NTNG2: variants seen among roughly 807,000 people sequenced by gnomAD.
NTNG2 encodes netrin G2.
NTNG2 carries 15 observed loss-of-function variants against 47.6 expected under a neutral mutation model. The observed-to-expected ratio is 0.32, with a 90% CI of 0.21 to 0.49. The LOEUF is 0.49. NTNG2 is among the 20% of genes least tolerant of loss of function. NTNG2 has a pLI of 0.99. For synonymous variants in NTNG2, 307 were observed against 324.6 expected, an observed-to-expected ratio of 0.95 and a Z score of 0.58; for missense variants, 578 against 764.6, an observed-to-expected ratio of 0.76 and a Z score of 2.88.
At chr9:132,206,217 C>G (rs1399072501) in intron 3 of NTNG2, among the ~76,000 whole-genome samples, 1 of 152,178 alleles carries the variant, frequency 6.6e-6, no homozygotes, top group Non-Finnish European at 1.5e-5. Context: ...TTTCAATCAT[C>G]CATGGACTCC....
At chr9:132,216,455 TGTG>T (rs1840002260) in intron 3 of NTNG2, among the ~76,000 whole-genome samples, 1 of 136,804 alleles carries the variant, frequency 7.3e-6, no homozygotes, top group Non-Finnish European at 1.5e-5. Context: ...TGTGTGTGTG[TGTG>T]TGTGTGTGTG....
intron 3 of NTNG2, among the ~76,000 whole-genome samples, chr9:132,204,900 A>AC (rs965555350): frequency 4.6e-5 from 7 of 152,076 alleles, no homozygotes; most frequent in African/African-American, 1.4e-4. Context: ...ATATAGTGAG[A>AC]CCCCCATCTC....
Position 132,197,990 on chromosome 9 carries a change from G to C in NTNG2, c.238G>C (p.Glu80Gln), listed in dbSNP as rs772142777. ...SHENPYLCSN[E>Q]CDASNPDLAH... ...GGAGAATCCCTACCTATGCAGCAAC[G>C]AGTGTGACGCCTCCAACCCGGACCT... The change falls in exon 3 of 8, where the codon GAG becomes CAG. Residue 80 changes from glutamate to glutamine, a missense_variant. Glu to Gln is a conservative substitution (Grantham distance 29). Transcript: ENST00000393229. The surrounding 1 kb of genome is among the most constrained non-coding windows in gnomAD (Gnocchi z 4.3). 1.2e-6 allele frequency: 2 copies of C among 1,613,032 alleles called. No individual in the cohort carries two copies. The highest frequency in any genetic ancestry group is 1.7e-5 in the Admixed American group (1 of 60,000).
intron 3 of NTNG2, among the ~76,000 whole-genome samples, chr9:132,210,599 G>T (rs1054525110): frequency 1.3e-5 from 2 of 152,204 alleles, no homozygotes; most frequent in African/African-American, 4.8e-5. Flanking sequence ...CTCCCTCTGG[G>T]TCTGTGGCCA....
In NTNG2 at chr9:132,208,878, C is replaced by T. The variant is rs1456610400; in HGVS notation, c.857+10269C>T. ...CCCGTCTCTCCAAGAACTCCCGTCC[C>T]GAGACCCCTGGAAGCCCCCATCCTG... On this transcript the variant is annotated intron_variant, in intron 3 of 7. Transcript: ENST00000393229. This position sits in a 1 kb window ranked among gnomAD's most constrained non-coding sequence, Gnocchi z 4.0. 3.9e-5 allele frequency among the ~76,000 whole-genome samples: 6 copies of T among 152,176 alleles called. No homozygotes were observed. The highest frequency in any genetic ancestry group is 2.6e-4 in the Admixed American group (4 of 15,268).
At position 132,201,528 on chromosome 9, in the gene NTNG2, G is replaced by A. The variant is rs555038063; in HGVS notation, c.857+2919G>A. 3.9e-5 allele frequency among the ~76,000 whole-genome samples: 6 copies of A among 152,320 alleles called. No homozygotes were observed. In the East Asian group the frequency reaches 1.2e-3, roughly 29 times the overall value. ...GAGAAGCCAGAGACACAGGACTGGT[G>A]GCAAAGGGGGATGTGGGACCCGAAG... On this transcript the variant is annotated intron_variant, in intron 3 of 7. Coordinates refer to ENST00000393229, the MANE Select transcript of NTNG2 (RefSeq NM_032536.4).
At chr9:132,187,421 C>T (rs1206171196) in intron 2 of NTNG2, among the ~76,000 whole-genome samples, 1 of 152,110 alleles carries the variant, frequency 6.6e-6, no homozygotes, top group African/African-American at 2.4e-5. Flanking sequence ...TTGTCCAGGG[C>T]CTGTGCACGA....
chr9:132,221,952 C>G lies in NTNG2; in HGVS notation c.858-4897C>G, dbSNP rs2130902447. On this transcript the variant is annotated intron_variant, in intron 3 of 7. Transcript: ENST00000393229. This position sits in a 1 kb window ranked among gnomAD's most constrained non-coding sequence, Gnocchi z 4.2. ...TCGGTAGCTGATATCTAAAAATATC[C>G]CTTCCTCAGGCCAGCAGTGCGGAGC... Among the ~76,000 whole-genome samples the G allele has an allele frequency of 6.6e-6, 1 of 152,312 alleles. No homozygotes were observed. The highest frequency in any genetic ancestry group is 2.1e-4 in the South Asian group (1 of 4,820).
In NTNG2 at chr9:132,197,848, C is replaced by A; in HGVS notation, c.214-118C>A. The A allele has an allele frequency of 2.1e-6, 2 of 937,808 alleles. No homozygotes were observed. Among genetic ancestry groups the A allele is most frequent in the Non-Finnish European group, 3.1e-6 (2 of 637,576 alleles). 58.1% of individuals were successfully genotyped at this position (937,808 alleles called of 1,614,324 possible). ...CTGTGTCTGGGCACCGGAGCACAGG[C>A]CCTGTAGCCACAGAGCAGGTTTCTC... On this transcript the variant is annotated intron_variant, in intron 2 of 7. Transcript: ENST00000393229. This position sits in a 1 kb window ranked among gnomAD's most constrained non-coding sequence, Gnocchi z 4.3.
At chr9:132,184,236 C>T (rs910983280) in intron 2 of NTNG2, among the ~76,000 whole-genome samples, 7 of 152,170 alleles carry the variant, frequency 4.6e-5, no homozygotes, top group African/African-American at 1.4e-4. Flanking sequence ...CCTCGGAGGT[C>T]GCAGCTTCTG....
intron 3 of NTNG2, among the ~76,000 whole-genome samples, chr9:132,209,530 C>T (rs1411466511): frequency 1.3e-5 from 2 of 152,152 alleles, no homozygotes; most frequent in African/African-American, 4.8e-5. Flanking sequence ...CAAAGCCACG[C>T]GGGAGCGGTT....
At chr9:132,189,265 G>GT (rs941625623) in intron 2 of NTNG2, among the ~76,000 whole-genome samples, 6 of 151,050 alleles carry the variant, frequency 4.0e-5, no homozygotes, top group African/African-American at 7.3e-5. Flanking sequence ...GTTTTTTGAG[G>GT]TTTTTTTCTG....
chr9:132,202,981 T>C (rs956466508), intron 3 of NTNG2, among the ~76,000 whole-genome samples: 1 of 152,080 alleles, frequency 6.6e-6, no homozygotes, highest in African/African-American at 2.4e-5. Flanking sequence ...GTCGATGAAA[T>C]GCTATATTCA....
At chr9:132,237,244 G>A (rs1463801214) in intron 5 of NTNG2, among the ~76,000 whole-genome samples, 6 of 152,126 alleles carry the variant, frequency 3.9e-5, no homozygotes, top group Non-Finnish European at 8.8e-5. Context: ...TGGGCTCTTC[G>A]AGGAGAGGGG....
At chr9:132,230,217 A>G (rs1841095520) in intron 4 of NTNG2, among the ~76,000 whole-genome samples, 1 of 152,198 alleles carries the variant, frequency 6.6e-6, no homozygotes, top group South Asian at 2.1e-4. Context: ...GGAGGGCCCA[A>G]AAATCTGAAA....
chr9:132,196,711 T>C (rs1236241343), intron 2 of NTNG2, among the ~76,000 whole-genome samples: 5 of 152,160 alleles, frequency 3.3e-5, no homozygotes, highest in African/African-American at 1.2e-4. Flanking sequence ...AACAACCTAG[T>C]CTCCAGCTCT....
intron 7 of NTNG2, chr9:132,241,541 T>C: frequency 2.8e-6 from 1 of 360,696 alleles, no homozygotes; most frequent in Non-Finnish European, 5.1e-6. Flanking sequence ...GCTGTCCAAG[T>C]CGGCGTTAGC....
At chr9:132,169,215 G>A (rs1022760292) in intron 2 of NTNG2, among the ~76,000 whole-genome samples, 6 of 152,256 alleles carry the variant, frequency 3.9e-5, no homozygotes, top group African/African-American at 9.6e-5. Flanking sequence ...TCGGCGTCTC[G>A]CCACCTGTGT....
chr9:132,220,364 A>AT (rs965930451), intron 3 of NTNG2, among the ~76,000 whole-genome samples: 52 of 147,030 alleles, frequency 3.5e-4, no homozygotes, highest in African/African-American at 1.1e-3. Flanking sequence ...TAATTTATCT[A>AT]TTTTTTTTTC....
Sources: gnomAD v4.1 joint callset for allele counts (sites outside exome capture counted in the v4.1 genomes callset) on GRCh38, gnomAD v4.1.1 for gene constraint, Gnocchi (gnomAD v3.1) non-coding constraint, MANE v1.5 for transcripts, NCBI Gene and HGNC (gene_info 2026-07-23, HGNC 2026-07-21) for gene names.